The following MTMR4 variants were observed in gnomAD, a reference collection of about 807,000 sequenced individuals.
MTMR4 encodes phosphatidylinositol-3,5-bisphosphate 3-phosphatase MTMR4.
A neutral mutation model predicts 125.5 loss-of-function variants in MTMR4; 30 were observed. That is an observed-to-expected ratio of 0.24 (90% CI 0.18 to 0.32). MTMR4 has a LOEUF of 0.32. Ranked by LOEUF, MTMR4 falls within the 10% of genes least tolerant of loss-of-function variation. MTMR4 has a pLI of 1.00. For synonymous variants in MTMR4, 498 were observed against 564.5 expected (o/e 0.88, Z 1.67); for missense variants, 1,039 against 1,511.5 (o/e 0.69, Z 5.18).
chr17:58,514,212 G>T (rs541743804), intron 1 of MTMR4, among the ~76,000 whole-genome samples, 151 bp downstream of exon 1: 123 of 152,270 alleles, frequency 8.1e-4, no homozygotes, highest in Non-Finnish European at 1.5e-3. Context: ...GCAAGTCCAA[G>T]AAATAAAAGG....
In MTMR4 at chr17:58,495,941, T is replaced by A. The variant is rs766709487; in HGVS notation, c.2243A>T (p.Asp748Val). The change falls in exon 15 of 18, where the codon GAC becomes GTC. Residue 748 changes from aspartate to valine, a missense_variant. This residue lies in a region of MTMR4 where 619 missense variants were observed against 714.5 expected (regional missense o/e 0.87). Transcript: ENST00000682306. Reference protein sequence around the residue: ...VLEETKGPAPDPSAQDELGRT... With the variant: ...VLEETKGPAPVPSAQDELGRT... ...ACCCAGCTCATCCTGGGCAGAAGGG[T>A]CTGGAGCTGGTCCCTTAGTCTCTTC... is the stretch of plus-strand genomic sequence containing the variant. The A allele has an allele frequency of 1.1e-5, 18 of 1,614,004 alleles. No homozygotes were observed. Among genetic ancestry groups the A allele is most frequent in the Non-Finnish European group, 1.5e-5 (18 of 1,180,032 alleles).
chr17:58,500,747 C>CAAAAAAAAAAAAAAAAAAA (rs60355286), intron 14 of MTMR4, among the ~76,000 whole-genome samples: 1 of 92,184 alleles, frequency 1.1e-5, no homozygotes, highest in Non-Finnish European at 2.1e-5. Flanking sequence ...GATTCTGTCT[C>CAAAAAAAAAAAAAAAAAAA]AAAAAAAAAA....
Position 58,512,834 on chromosome 17 carries a change from C to T in MTMR4, c.135+18G>A. 1 of 1,605,352 alleles carries T rather than the reference C, an allele frequency of 6.2e-7. No individual in the cohort carries two copies. The highest frequency in any genetic ancestry group is 8.5e-7 in the Non-Finnish European group (1 of 1,172,582). Reference sequence around the variant, plus strand: ...GGGCAGGGAGCCCCATCTATCCTGGCCCCCAACTCCTCCTTACCTGAAGAT... The same window carrying T: ...GGGCAGGGAGCCCCATCTATCCTGGTCCCCAACTCCTCCTTACCTGAAGAT... On this transcript the variant is annotated intron_variant, in intron 2 of 17. Coordinates refer to ENST00000682306, the MANE Select transcript of MTMR4 (RefSeq NM_001378067.1). This position sits in a 1 kb window ranked among gnomAD's most constrained non-coding sequence, Gnocchi z 4.1.
At chr17:58,511,968 C>A (rs1161747042) in intron 3 of MTMR4, among the ~76,000 whole-genome samples, 1 of 151,988 alleles carries the variant, frequency 6.6e-6, no homozygotes, top group African/African-American at 2.4e-5. Context: ...CAGAGAGAAA[C>A]AGAAGGGATC....
chr17:58,504,015 T>A lies in MTMR4; in HGVS notation c.1698+35A>T. On this transcript the variant is annotated intron_variant, in intron 13 of 17. Transcript: ENST00000682306. The surrounding 1 kb of genome is among the most constrained non-coding windows in gnomAD (Gnocchi z 7.1). ...TCAGCTGCTTCTCCCTATAGGTTTCTAAATAGCACCTACAGGAAAAGGGCT... is the reference window on the plus strand; with the variant it reads ...TCAGCTGCTTCTCCCTATAGGTTTCAAAATAGCACCTACAGGAAAAGGGCT... 2.6e-6 allele frequency: 4 copies of A among 1,534,154 alleles called. No homozygotes were observed. The highest frequency in any genetic ancestry group is 3.5e-6 in the Non-Finnish European group (4 of 1,141,256).
chr17:58,516,745 G>A (rs902346588), upstream of MTMR4: 3 of 823,230 alleles, frequency 3.6e-6, no homozygotes, highest in East Asian at 7.5e-5. Context: ...AGAGACTCCA[G>A]TCTCTCCACA....
Position 58,509,103 on chromosome 17 carries a change from G to A in MTMR4, c.336-262C>T, listed in dbSNP as rs146249260. Among the ~76,000 whole-genome samples, 52 of 152,200 alleles carry A rather than the reference G, an allele frequency of 3.4e-4. 1 individual carries two copies. The East Asian group carries it at 8.7e-3, about 26-fold the overall frequency. On this transcript the variant is annotated intron_variant, in intron 4 of 17. Coordinates refer to ENST00000682306, the MANE Select transcript of MTMR4 (RefSeq NM_001378067.1). ...CTCGAATGGGGCGCTACTGTTTCTC[G>A]TATCAAATCTAAATGCTACCATGTG...
At position 58,508,678 on chromosome 17, in the gene MTMR4, C is replaced by T. The variant is rs1343031274; in HGVS notation, c.496+3G>A. On this transcript the variant is annotated splice_donor_region_variant and intron_variant, in intron 5 of 17. Coordinates refer to ENST00000682306, the MANE Select transcript of MTMR4 (RefSeq NM_001378067.1). The surrounding 1 kb of genome is among the most constrained non-coding windows in gnomAD (Gnocchi z 4.8). ...CCTCCCAAAGAAAATAGACTGGCCT[C>T]ACCTGGCTGACATAGGTGAGTGTGC... 1 of 1,614,076 alleles carries T rather than the reference C, an allele frequency of 6.2e-7. No individual in the cohort carries two copies. Among genetic ancestry groups the T allele is most frequent in the Non-Finnish European group, 8.5e-7 (1 of 1,179,908 alleles).
At chr17:58,499,544 C>G (rs886684209) in intron 14 of MTMR4, among the ~76,000 whole-genome samples, 2 of 152,026 alleles carry the variant, frequency 1.3e-5, no homozygotes, top group African/African-American at 4.8e-5. Flanking sequence ...AACCCTACCT[C>G]TCATGTATCC....
intron 14 of MTMR4, among the ~76,000 whole-genome samples, chr17:58,501,859 G>A (rs1363541447): frequency 6.6e-6 from 1 of 151,908 alleles, no homozygotes; most frequent in Non-Finnish European, 1.5e-5. Flanking sequence ...AGGAGTTCAA[G>A]ACCAGTGTGA....
chr17:58,517,329 G>A (rs1415303432), upstream of MTMR4, among the ~76,000 whole-genome samples: 2 of 152,244 alleles, frequency 1.3e-5, no homozygotes, highest in Non-Finnish European at 2.9e-5. Flanking sequence ...CTCACTTAGG[G>A]AGCCAGGCCT....
intron 4 of MTMR4, chr17:58,511,167 T>C: frequency 3.1e-6 from 1 of 326,010 alleles, no homozygotes; most frequent in Non-Finnish European, 5.6e-6. Context: ...GATATTGTCC[T>C]CGGTGCTTTC....
At chr17:58,511,294 A>T (rs943081709) in intron 4 of MTMR4, 135 bp downstream of exon 4, 6 of 822,006 alleles carry the variant, frequency 7.3e-6, no homozygotes, top group African/African-American at 1.7e-5. Flanking sequence ...AACCCAGAAC[A>T]TGGTCTTCAC....
At chr17:58,511,996 TA>T (rs1287294471) in intron 3 of MTMR4, among the ~76,000 whole-genome samples, 21 of 151,952 alleles carry the variant, frequency 1.4e-4, no homozygotes, top group African/African-American at 5.1e-4. Context: ...TTTTTTTTTT[TA>T]TTTTTTTGAG....
In MTMR4 at chr17:58,495,780, C is replaced by T. The variant is rs1455079937; in HGVS notation, c.2404G>A (p.Gly802Ser). 1.2e-6 allele frequency: 2 copies of T among 1,614,126 alleles called. No homozygotes were observed. The highest frequency in any genetic ancestry group is 1.1e-5 in the South Asian group (1 of 91,086). Residue 802 changes from glycine (G) to serine (S), a missense_variant, in exon 15 of 18, where the codon GGT becomes AGT. Physicochemically the swap from Gly to Ser is moderately conservative, Grantham distance 56 (BLOSUM62 0). Around this residue, in one of 6 missense-constraint regions of MTMR4, gnomAD observed 619 missense variants for 714.5 expected, o/e 0.87. Transcript: ENST00000682306. ...TCTGGCTGGGCCTGTTGGGGCGTACCTGTAGGAGAGTTCTGGGAAGACTCA... is the reference window on the plus strand; with the variant it reads ...TCTGGCTGGGCCTGTTGGGGCGTACTTGTAGGAGAGTTCTGGGAAGACTCA... ...FPESSQNSPT[G>S]TPQQAQPDSM...
chr17:58,502,718 T>C (rs1975675469), intron 14 of MTMR4, among the ~76,000 whole-genome samples: 1 of 152,244 alleles, frequency 6.6e-6, no homozygotes. Context: ...ATTCTGATTT[T>C]GTTTATAAAA....
At chr17:58,501,930 A>G (rs527577534) in intron 14 of MTMR4, among the ~76,000 whole-genome samples, 32 of 151,968 alleles carry the variant, frequency 2.1e-4, no homozygotes, top group African/African-American at 7.7e-4. Context: ...ATGGTGGCGC[A>G]TGCCTGTAAT....
chr17:58,494,837 G>T, intron 15 of MTMR4, 95 bp downstream of exon 15: 2 of 1,161,698 alleles, frequency 1.7e-6, no homozygotes, highest in Non-Finnish European at 2.4e-6. Flanking sequence ...TAACTCAGTG[G>T]CACACAGCAA....
In MTMR4 at chr17:58,512,652, C is replaced by A; in HGVS notation, c.136-146G>T. On this transcript the variant is annotated intron_variant, in intron 2 of 17. Coordinates refer to ENST00000682306, the MANE Select transcript of MTMR4 (RefSeq NM_001378067.1). The surrounding 1 kb of genome is among the most constrained non-coding windows in gnomAD (Gnocchi z 4.1). ...TCTCCACGGTAACAGCACCAGGCAA[C>A]AGCTGTACAGGAAAGCTGCCTTTCC... 1.2e-6 allele frequency: 1 copy of A among 808,860 alleles called. No homozygotes were observed. The highest frequency in any genetic ancestry group is 1.6e-5 in the South Asian group (1 of 63,058). 50.1% of individuals were successfully genotyped at this position (808,860 alleles called of 1,614,324 possible).
Sources: gnomAD v4.1 joint callset for allele counts (sites outside exome capture counted in the v4.1 genomes callset) on GRCh38, gnomAD v4.1.1 for gene constraint, gnomAD v4.1.1 regional missense constraint, Gnocchi (gnomAD v3.1) non-coding constraint, MANE v1.5 for transcripts, NCBI Gene and HGNC (gene_info 2026-07-23, HGNC 2026-07-21) for gene names.